The following ACSS3 variants were observed in gnomAD, a reference collection of about 807,000 sequenced individuals.
The protein encoded by ACSS3 is acyl-CoA synthetase short-chain family member 3, mitochondrial.
ACSS3 carries 64 observed loss-of-function variants against 84.2 expected under a neutral mutation model. The observed-to-expected ratio is 0.76, with a 90% CI of 0.62 to 0.94. ACSS3 has a LOEUF of 0.94. ACSS3 is among the 40% of genes least tolerant of loss of function. The pLI is 0.00. For synonymous variants in ACSS3, 317 were observed against 310.1 expected, an observed-to-expected ratio of 1.02 and a Z score of -0.23; for missense variants, 815 against 867.6, an observed-to-expected ratio of 0.94 and a Z score of 0.76.
chr12:81,224,329 G>A (rs886206772), intron 11 of ACSS3, among the ~76,000 whole-genome samples: 2 of 151,654 alleles, frequency 1.3e-5, no homozygotes, highest in Non-Finnish European at 2.9e-5. Context: ...AAGAGCTCCA[G>A]TGCACCCACT....
At chr12:81,117,741 G>C (rs1383007218) in intron 2 of ACSS3, among the ~76,000 whole-genome samples, 1 of 152,098 alleles carries the variant, frequency 6.6e-6, no homozygotes, top group Non-Finnish European at 1.5e-5. Context: ...GACTGTAGTA[G>C]ATAACATTGG....
intron 1 of ACSS3, among the ~76,000 whole-genome samples, chr12:81,089,560 C>T (rs1018087080): frequency 6.6e-6 from 1 of 151,924 alleles, no homozygotes; most frequent in African/African-American, 2.4e-5. Context: ...TAAATGCTTC[C>T]TTTGAGTGTT....
chr12:81,078,439 ACT>A lies in ACSS3; in HGVS notation c.311+9_311+10del. 3 of 1,611,494 alleles carry A rather than the reference ACT, an allele frequency of 1.9e-6. No homozygotes were observed. In the East Asian group the frequency reaches 6.7e-5, roughly 36 times the overall value. ...CTCGCCCTCTACCAGGTGGTGAGTG[ACT>A]TCTGTGCCAACCCTGATCCCCCATC... On this transcript the variant is annotated intron_variant, in intron 1 of 15. Coordinates refer to ENST00000548058, the MANE Select transcript of ACSS3 (RefSeq NM_024560.4).
At chr12:81,175,715 C>T (rs2135822943) in intron 8 of ACSS3, among the ~76,000 whole-genome samples, 1 of 152,212 alleles carries the variant, frequency 6.6e-6, no homozygotes, top group Non-Finnish European at 1.5e-5. Flanking sequence ...GAAAATCATA[C>T]AATTACATGG....
chr12:81,200,908 A>G (rs942936451), intron 9 of ACSS3, among the ~76,000 whole-genome samples: 3 of 150,104 alleles, frequency 2.0e-5, no homozygotes, highest in East Asian at 1.9e-4. Context: ...AAAAAAAAAG[A>G]AAAAGAAAGA....
At chr12:81,093,754 G>A (rs1409058313) in intron 1 of ACSS3, among the ~76,000 whole-genome samples, 4 of 151,946 alleles carry the variant, frequency 2.6e-5, no homozygotes, top group African/African-American at 9.7e-5. Flanking sequence ...TTGGCATAAT[G>A]CAATGAACTA....
chr12:81,169,078 A>G (rs1466365694), intron 7 of ACSS3, among the ~76,000 whole-genome samples: 1 of 152,188 alleles, frequency 6.6e-6, no homozygotes, highest in Non-Finnish European at 1.5e-5. Context: ...GTTTCATTCA[A>G]AATCATCCCA....
At chr12:81,174,256 A>G (rs991953948) in intron 7 of ACSS3, among the ~76,000 whole-genome samples, 9 of 152,206 alleles carry the variant, frequency 5.9e-5, no homozygotes, top group Admixed American at 5.9e-4. Flanking sequence ...TGTGGAAAAC[A>G]TGCACTTTGG....
chr12:81,227,032 T>G (rs557650756), intron 11 of ACSS3, among the ~76,000 whole-genome samples: 1 of 150,386 alleles, frequency 6.6e-6, no homozygotes, highest in South Asian at 2.1e-4. Context: ...GAGGGAGAAA[T>G]ATTTGTTTTA....
intron 1 of ACSS3, among the ~76,000 whole-genome samples, chr12:81,101,709 C>T (rs760393540): frequency 5.3e-5 from 8 of 152,144 alleles, no homozygotes; most frequent in South Asian, 2.1e-4. Flanking sequence ...CAACATTATA[C>T]GAGAATGCTG....
intron 8 of ACSS3, among the ~76,000 whole-genome samples, chr12:81,187,867 A>G (rs917770935): frequency 1.4e-4 from 21 of 151,882 alleles, no homozygotes; most frequent in Admixed American, 6.6e-5. Flanking sequence ...TTATTTGTGT[A>G]TGTATGACTC....
At chr12:81,236,587 G>A (rs1167372534) in intron 13 of ACSS3, among the ~76,000 whole-genome samples, 2 of 150,960 alleles carry the variant, frequency 1.3e-5, no homozygotes, top group Non-Finnish European at 3.0e-5. Context: ...TATCCAATCT[G>A]GCAATCTCCA....
chr12:81,211,768 CAGA>C (rs1349614360), intron 9 of ACSS3, among the ~76,000 whole-genome samples: 3 of 152,086 alleles, frequency 2.0e-5, no homozygotes, highest in Admixed American at 2.0e-4. Context: ...ATTTTTTGTT[CAGA>C]AGCCCTCATT....
rs780862187 is a variant in ACSS3 at position 81,107,503 on chromosome 12, AATATATACATATATATAT to A, written c.312-2049_312-2032del. Among the ~76,000 whole-genome samples, 481 of 59,568 alleles carry A rather than the reference AATATATACATATATATAT, an allele frequency of 8.1e-3. 22 individuals carry two copies. The highest frequency in any genetic ancestry group is 0.01 in the Admixed American group (48 of 4,630). The allele number at this position is 59,568 out of a possible 152,430, so 39.1% of individuals were successfully genotyped here. On this transcript the variant is annotated intron_variant, in intron 1 of 15. Transcript: ENST00000548058. ...AGAAATGTTTTTTTTTTCAGGTACA[AATATATACATATATATAT>A]ATATATATATATATATATATATATA...
intron 2 of ACSS3, among the ~76,000 whole-genome samples, chr12:81,120,802 T>C (rs1036067543): frequency 6.6e-6 from 1 of 152,224 alleles, no homozygotes; most frequent in Admixed American, 6.5e-5. Flanking sequence ...ACCTTGGAGA[T>C]ATTGACTGTT....
chr12:81,112,305 T>G (rs143399095), intron 2 of ACSS3, among the ~76,000 whole-genome samples: 106 of 152,296 alleles, frequency 7.0e-4, no homozygotes, highest in African/African-American at 2.5e-3. Context: ...TAGCCACATA[T>G]TTAATTTGAT....
intron 1 of ACSS3, among the ~76,000 whole-genome samples, chr12:81,090,221 T>C (rs181129460): frequency 1.2e-3 from 179 of 152,116 alleles, no homozygotes; most frequent in Non-Finnish European, 4.9e-4. Flanking sequence ...TCAATGTCTC[T>C]AGGGATTTTA....
In ACSS3 at chr12:81,134,720, C is replaced by T; in HGVS notation, c.457-96C>T. 3 of 1,132,568 alleles carry T rather than the reference C, an allele frequency of 2.6e-6. No homozygotes were observed. In the South Asian group the frequency reaches 8.7e-5, roughly 33 times the overall value. The allele number at this position is 1,132,568 out of a possible 1,614,324, so 70.2% of individuals were successfully genotyped here. Reference sequence around the variant, plus strand: ...TACTTAGGCTCCTTTAATCTACTACCAAGCGGGTGATCAGCTTCTAATATT... The same window carrying T: ...TACTTAGGCTCCTTTAATCTACTACTAAGCGGGTGATCAGCTTCTAATATT... On this transcript the variant is annotated intron_variant, in intron 2 of 15. Transcript: ENST00000548058.
intron 1 of ACSS3, among the ~76,000 whole-genome samples, chr12:81,092,591 T>G (rs1164852767): frequency 6.6e-6 from 1 of 152,096 alleles, no homozygotes; most frequent in East Asian, 1.9e-4. Flanking sequence ...AATTTTAATT[T>G]TATCCCTTTG....
Sources: gnomAD v4.1 joint callset for allele counts (sites outside exome capture counted in the v4.1 genomes callset) on GRCh38, gnomAD v4.1.1 for gene constraint, MANE v1.5 for transcripts, NCBI Gene and HGNC (gene_info 2026-07-23, HGNC 2026-07-21) for gene names.